GPHN: variants seen among roughly 807,000 people sequenced by gnomAD.
The protein encoded by GPHN is gephyrin.
In GPHN, 17 loss-of-function variants were observed where a neutral mutation model predicts 95.5. The ratio of observed to expected loss-of-function variants is 0.18; its 90% CI spans 0.12 to 0.27. The LOEUF (loss-of-function observed/expected upper bound fraction) is 0.27, where lower values mean the gene tolerates loss of function less well. Ranked by LOEUF, GPHN falls within the 10% of genes least tolerant of loss-of-function variation. The pLI, the probability that GPHN is intolerant of heterozygous loss-of-function variation, is 1.00. For synonymous variants in GPHN, 320 were observed against 322.5 expected (o/e 0.99, Z 0.08); for missense variants, 660 against 978.1 (o/e 0.67, Z 4.34).
the GPHN span, among the ~76,000 whole-genome samples, chr14:67,553,084 T>G: frequency 6.6e-6 from 1 of 152,090 alleles, no homozygotes; most frequent in Admixed American, 6.5e-5. Context: ...TATCCTTTAC[T>G]CCACCTTGGT....
At chr14:67,046,243 A>C (rs1252296169) in intron 10 of GPHN, among the ~76,000 whole-genome samples, 16 of 152,182 alleles carry the variant, frequency 1.1e-4, no homozygotes. Flanking sequence ...ATCTTGTTCC[A>C]AGATCCTTTT....
chr14:66,825,344 A>T (rs1489010122), intron 4 of GPHN, among the ~76,000 whole-genome samples: 1 of 151,982 alleles, frequency 6.6e-6, no homozygotes, highest in Non-Finnish European at 1.5e-5. Context: ...ATGTCTTTCT[A>T]TTTCAAATCA....
At chr14:66,986,820 C>T (rs2071055619) in intron 9 of GPHN, among the ~76,000 whole-genome samples, 1 of 152,110 alleles carries the variant, frequency 6.6e-6, no homozygotes, top group Non-Finnish European at 1.5e-5. Flanking sequence ...TTCCATTTTA[C>T]AATTTATGAA....
chr14:67,320,135 C>T, the GPHN span: 3 of 1,160,584 alleles, frequency 2.6e-6, no homozygotes, highest in South Asian at 1.9e-5. Context: ...ATAAATTGTG[C>T]TTTTGTCTAA....
At chr14:66,830,659 C>A (rs1463891101) in intron 4 of GPHN, among the ~76,000 whole-genome samples, 2 of 151,986 alleles carry the variant, frequency 1.3e-5, no homozygotes, top group East Asian at 3.9e-4. Flanking sequence ...GAAGAGGCAT[C>A]AGACAAAATG....
chr14:66,965,160 A>G (rs757032443), intron 8 of GPHN, 31 bp from the exon 9 acceptor site: 1 of 1,594,702 alleles, frequency 6.3e-7, no homozygotes, highest in South Asian at 1.1e-5. Context: ...CATTTTCAGA[A>G]TATTAAACCA....
At chr14:67,391,635 G>T in the GPHN span, among the ~76,000 whole-genome samples, 6 of 152,290 alleles carry the variant, frequency 3.9e-5, no homozygotes, top group Non-Finnish European at 8.8e-5. Flanking sequence ...CATTCACATG[G>T]TATACAATAT....
At chr14:66,738,329 C>G (rs1488040038) in intron 2 of GPHN, among the ~76,000 whole-genome samples, 5 of 152,088 alleles carry the variant, frequency 3.3e-5, no homozygotes, top group Admixed American at 6.5e-5. Context: ...TACATAAGAA[C>G]AGTCTGTTGT....
At chr14:66,821,950 TTTTG>T (rs759010284) in intron 3 of GPHN, among the ~76,000 whole-genome samples, 11 of 152,048 alleles carry the variant, frequency 7.2e-5, no homozygotes, top group African/African-American at 2.2e-4. Flanking sequence ...TAAAACTGAT[TTTTG>T]TTTGTTTGTT....
chr14:67,733,639 A>ATT, the GPHN span: 3 of 744,664 alleles, frequency 4.0e-6, no homozygotes, highest in Non-Finnish European at 7.1e-6. Flanking sequence ...TGAGTCTGGC[A>ATT]TATATTGTAT....
the GPHN span, among the ~76,000 whole-genome samples, chr14:67,486,384 C>T: frequency 6.6e-6 from 1 of 152,250 alleles, no homozygotes; most frequent in Non-Finnish European, 1.5e-5. Context: ...AAGCGATTCT[C>T]CTGCCTCAGC....
chr14:66,841,781 C>T (rs367838573), intron 4 of GPHN, among the ~76,000 whole-genome samples: 35 of 152,182 alleles, frequency 2.3e-4, no homozygotes, highest in African/African-American at 7.0e-4. Flanking sequence ...TGACTCACAC[C>T]TGTAATCCCA....
At chr14:66,912,313 G>A (rs927429251) in intron 5 of GPHN, among the ~76,000 whole-genome samples, 1 of 151,940 alleles carries the variant, frequency 6.6e-6, no homozygotes, top group Non-Finnish European at 1.5e-5. Flanking sequence ...CAGTTCTTCA[G>A]GCAGAAGCTT....
intron 8 of GPHN, among the ~76,000 whole-genome samples, chr14:66,949,226 A>C (rs1028849080): frequency 1.3e-5 from 2 of 152,132 alleles, no homozygotes; most frequent in African/African-American, 4.8e-5. Flanking sequence ...TTGGGATTAC[A>C]GGCACATGCA....
the GPHN span, among the ~76,000 whole-genome samples, chr14:67,232,122 C>T: frequency 6.6e-6 from 1 of 152,126 alleles, no homozygotes; most frequent in Non-Finnish European, 1.5e-5. Flanking sequence ...ACAGATTGGA[C>T]TTAGCGCCTT....
chr14:66,896,803 A>C (rs894092344), intron 5 of GPHN, among the ~76,000 whole-genome samples: 1 of 152,014 alleles, frequency 6.6e-6, no homozygotes. Flanking sequence ...AAAAACAAAC[A>C]AACAAAACAA....
the GPHN span, among the ~76,000 whole-genome samples, chr14:67,293,837 G>A: frequency 6.6e-6 from 1 of 152,146 alleles, no homozygotes; most frequent in Non-Finnish European, 1.5e-5. Context: ...AGGAAGGTTT[G>A]TCCAGCTGGC....
the GPHN span, among the ~76,000 whole-genome samples, chr14:67,451,618 C>T: frequency 6.6e-6 from 1 of 152,004 alleles, no homozygotes. Flanking sequence ...TTTGTTTTGG[C>T]CAATTTCTCC....
chr14:67,640,080 A>G, the GPHN span, among the ~76,000 whole-genome samples: 1 of 152,172 alleles, frequency 6.6e-6, no homozygotes, highest in Non-Finnish European at 1.5e-5. Context: ...GGTGAAGTCC[A>G]TAATGACTTT....
Sources: gnomAD v4.1 joint callset for allele counts (sites outside exome capture counted in the v4.1 genomes callset) on GRCh38, gnomAD v4.1.1 for gene constraint, MANE v1.5 for transcripts, NCBI Gene and HGNC (gene_info 2026-07-23, HGNC 2026-07-21) for gene names.